CADM2: variants seen among roughly 807,000 people sequenced by gnomAD.
CADM2 encodes the protein immunoglobulin superfamily member 4D.
Under a neutral mutation model 49.8 loss-of-function variants are expected in CADM2, and 12 were observed. That is an observed-to-expected ratio of 0.24 (90% CI 0.15 to 0.39). The LOEUF is 0.39. Among genes scored for constraint, CADM2 ranks in the 10% least tolerant of loss-of-function variants. The pLI is 1.00. For synonymous variants in CADM2, 214 were observed against 175.4 expected (o/e 1.22, Z -1.74); for missense variants, 378 against 492.3 (o/e 0.77, Z 2.20).
At chr3:85,035,297 G>A (rs2035166633) in intron 1 of CADM2, among the ~76,000 whole-genome samples, 1 of 152,060 alleles carries the variant, frequency 6.6e-6, no homozygotes, top group Admixed American at 6.6e-5. Context: ...CGTTGTTTGA[G>A]CTCTTTATAT....
intron 8 of CADM2, among the ~76,000 whole-genome samples, chr3:85,988,493 T>C (rs986709866): frequency 1.3e-5 from 2 of 152,144 alleles, no homozygotes; most frequent in Admixed American, 6.5e-5. Flanking sequence ...TATTAAATGA[T>C]TGAGAAAAAC....
At chr3:85,358,925 C>A (rs2032099035) in intron 1 of CADM2, among the ~76,000 whole-genome samples, 2 of 152,076 alleles carry the variant, frequency 1.3e-5, no homozygotes, top group Admixed American at 1.3e-4. Context: ...TGACATTGTC[C>A]AAAATCAACT....
At chr3:85,449,201 G>A (rs563097812) in intron 1 of CADM2, among the ~76,000 whole-genome samples, 1 of 150,526 alleles carries the variant, frequency 6.6e-6, no homozygotes, top group South Asian at 2.1e-4. Flanking sequence ...TTTCACCAGA[G>A]TCACAAAGTG....
intron 2 of CADM2, among the ~76,000 whole-genome samples, chr3:85,796,556 TGAG>T (rs2071634640): frequency 6.6e-6 from 1 of 152,138 alleles, no homozygotes; most frequent in Non-Finnish European, 1.5e-5. Flanking sequence ...AGGTTGGCAT[TGAG>T]GAGACAAAGC....
chr3:85,344,750 G>A (rs1045426545), intron 1 of CADM2, among the ~76,000 whole-genome samples: 2 of 151,920 alleles, frequency 1.3e-5, no homozygotes, highest in Admixed American at 1.3e-4. Flanking sequence ...ATTTTTGAAT[G>A]TGCATTTGTA....
chr3:85,796,127 A>T (rs1413304433), intron 2 of CADM2, among the ~76,000 whole-genome samples: 2 of 152,212 alleles, frequency 1.3e-5, no homozygotes, highest in Non-Finnish European at 2.9e-5. Flanking sequence ...TGATCATCAA[A>T]ATGTCATCTG....
intron 8 of CADM2, among the ~76,000 whole-genome samples, chr3:86,042,307 A>T (rs1243666899): frequency 1.3e-5 from 2 of 152,172 alleles, no homozygotes; most frequent in Admixed American, 1.3e-4. Flanking sequence ...TTTTGAAAAG[A>T]TCAACAAAAT....
chr3:85,078,737 T>C (rs2037046883), intron 1 of CADM2, among the ~76,000 whole-genome samples: 1 of 151,748 alleles, frequency 6.6e-6, no homozygotes, highest in Non-Finnish European at 1.5e-5. Context: ...GGGGAAAATA[T>C]AGCCGGTAAC....
chr3:85,088,714 T>A (rs956791319), intron 1 of CADM2, among the ~76,000 whole-genome samples: 1 of 152,150 alleles, frequency 6.6e-6, no homozygotes, highest in Non-Finnish European at 1.5e-5. Context: ...CTATTATGAA[T>A]TATTTAACAA....
intron 1 of CADM2, among the ~76,000 whole-genome samples, chr3:85,328,749 T>A (rs558676140): frequency 8.5e-5 from 13 of 152,320 alleles, no homozygotes; most frequent in Admixed American, 4.6e-4. Context: ...TTGAAAATAC[T>A]AAGTCTAGAG....
intron 1 of CADM2, among the ~76,000 whole-genome samples, chr3:85,063,377 A>G (rs1296995556): frequency 6.6e-6 from 1 of 152,048 alleles, no homozygotes. Context: ...ATCCACGGCA[A>G]GAAAACTAAA....
Position 86,074,216 on chromosome 3 carries a change from A to G in CADM2, c.*7433A>G, listed in dbSNP as rs1180895988. On this transcript the variant is annotated 3_prime_UTR_variant, in exon 10 of 10. Transcript: ENST00000383699. ...ATATATCCAACCTAAGCTTCTGCCA[A>G]TAAGGATTTCAGATAAGCTTTTAAA... is the stretch of plus-strand genomic sequence containing the variant. 1 of 152,008 alleles carries G rather than the reference A, an allele frequency of 6.6e-6. No individual in the cohort carries two copies. Among genetic ancestry groups the G allele is most frequent in the Non-Finnish European group, 1.5e-5 (1 of 67,874 alleles). The allele number at this position is 152,008 out of a possible 1,614,324, so 9.4% of individuals were successfully genotyped here. A position where few individuals can be genotyped will look rare whatever the true frequency, so the allele number is the denominator to read the frequency against.
chr3:85,728,213 A>G (rs2067783250), intron 2 of CADM2, among the ~76,000 whole-genome samples: 1 of 152,202 alleles, frequency 6.6e-6, no homozygotes, highest in Non-Finnish European at 1.5e-5. Flanking sequence ...AGAATTTTAT[A>G]ATGCAAGCAT....
At chr3:85,388,566 A>G (rs955394236) in intron 1 of CADM2, among the ~76,000 whole-genome samples, 1 of 152,170 alleles carries the variant, frequency 6.6e-6, no homozygotes, top group African/African-American at 2.4e-5. Context: ...TCTTCTTGAT[A>G]TGGCAATACT....
intron 2 of CADM2, among the ~76,000 whole-genome samples, chr3:85,745,891 T>C (rs1437892750): frequency 6.6e-6 from 1 of 152,034 alleles, no homozygotes; most frequent in Non-Finnish European, 1.5e-5. Context: ...ATGTTTTTTT[T>C]CTTGTTTTCT....
chr3:84,965,328 A>G (rs954607045), intron 1 of CADM2, among the ~76,000 whole-genome samples: 1 of 152,202 alleles, frequency 6.6e-6, no homozygotes, highest in African/African-American at 2.4e-5. Context: ...TCTCAGGCCT[A>G]ATGTGCTCTG....
chr3:85,062,630 CTT>C (rs1188825609), intron 1 of CADM2, among the ~76,000 whole-genome samples: 8 of 151,416 alleles, frequency 5.3e-5, no homozygotes, highest in Admixed American at 2.6e-4. Context: ...CTATAAATGA[CTT>C]ATCAATATAA....
intron 3 of CADM2, among the ~76,000 whole-genome samples, chr3:85,829,083 C>G (rs987034146): frequency 1.3e-5 from 2 of 151,890 alleles, no homozygotes; most frequent in African/African-American, 4.8e-5. Flanking sequence ...TCTTGTAACA[C>G]TGATTTATAA....
At chr3:85,052,303 A>G (rs1576120163) in intron 1 of CADM2, among the ~76,000 whole-genome samples, 1 of 152,132 alleles carries the variant, frequency 6.6e-6, no homozygotes, top group Non-Finnish European at 1.5e-5. Context: ...GGCTACAGCA[A>G]CATGTCCAAC....
Sources: gnomAD v4.1 joint callset for allele counts (sites outside exome capture counted in the v4.1 genomes callset) on GRCh38, gnomAD v4.1.1 for gene constraint, MANE v1.5 for transcripts, NCBI Gene and HGNC (gene_info 2026-07-23, HGNC 2026-07-21) for gene names.